Variants in PHLPP2 observed in about 807,000 individuals in gnomAD.
The protein encoded by PHLPP2 is PH domain and leucine rich repeat protein phosphatase 2, also known as PH domain leucine-rich repeat-containing protein phosphatase 2.
PHLPP2 carries 66 observed loss-of-function variants against 124.9 expected under a neutral mutation model. The ratio of observed to expected loss-of-function variants is 0.53; its 90% CI spans 0.43 to 0.65. PHLPP2 has a LOEUF of 0.65. Ranked by LOEUF, PHLPP2 falls within the 30% of genes least tolerant of loss-of-function variation. PHLPP2 has a pLI of 0.00. For synonymous variants in PHLPP2, 681 were observed against 624.7 expected, an observed-to-expected ratio of 1.09 and a Z score of -1.34; for missense variants, 1,685 against 1,600.4, an observed-to-expected ratio of 1.05 and a Z score of -0.90.
intron 2 of PHLPP2, among the ~76,000 whole-genome samples, chr16:71,703,650 G>C (rs2045251577): frequency 6.6e-6 from 1 of 152,154 alleles, no homozygotes; most frequent in Admixed American, 6.6e-5. Flanking sequence ...ACAGTCAACT[G>C]CCTGGGTTCA....
At chr16:71,713,568 G>C (rs952622381) in intron 2 of PHLPP2, among the ~76,000 whole-genome samples, 3 of 152,084 alleles carry the variant, frequency 2.0e-5, no homozygotes, top group Non-Finnish European at 4.4e-5. Context: ...GTAACAACTT[G>C]AATGTCCATT....
At chr16:71,714,923 T>C (rs2045351177) in intron 1 of PHLPP2, 122 bp from the exon 2 acceptor site, 1 of 1,234,626 alleles carries the variant, frequency 8.1e-7, no homozygotes, top group Non-Finnish European at 1.1e-6. Flanking sequence ...TATCCCCTCC[T>C]TTTGTGGAGC....
chr16:71,667,461 C>T, intron 11 of PHLPP2, 128 bp from the exon 12 acceptor site: 2 of 694,526 alleles, frequency 2.9e-6, no homozygotes, highest in South Asian at 4.3e-5. Flanking sequence ...TGTATACTCA[C>T]TGACAAGTGC....
chr16:71,711,884 T>A (rs768116312), intron 2 of PHLPP2, among the ~76,000 whole-genome samples: 7 of 152,280 alleles, frequency 4.6e-5, no homozygotes, highest in South Asian at 4.1e-4. Context: ...CTAAAAACAA[T>A]CTTGAAATAA....
intron 13 of PHLPP2, 88 bp from the exon 14 acceptor site, chr16:71,658,903 A>G: frequency 8.4e-7 from 1 of 1,187,074 alleles, no homozygotes; most frequent in Non-Finnish European, 1.2e-6. Context: ...CAGAGTACAG[A>G]AGGCCGACAC....
At chr16:71,691,913 T>C (rs1031947042) in intron 3 of PHLPP2, among the ~76,000 whole-genome samples, 6 of 151,748 alleles carry the variant, frequency 4.0e-5, no homozygotes, top group Admixed American at 3.3e-4. Flanking sequence ...CTGGACATCA[T>C]AGTAAGACCC....
rs746551859 is a variant in PHLPP2 at position 71,649,468 on chromosome 16, G to A, written c.3394C>T (p.Gln1132Ter). The A allele has an allele frequency of 1.2e-6, 2 of 1,614,136 alleles. No individual in the cohort carries two copies. Among genetic ancestry groups the A allele is most frequent in the Non-Finnish European group, 8.5e-7 (1 of 1,180,020 alleles). The change falls in exon 19 of 19, where the codon CAG becomes TAG. Residue 1132 changes from glutamine to a stop codon, truncating the protein, a stop_gained. Coordinates refer to ENST00000568954, the MANE Select transcript of PHLPP2 (RefSeq NM_015020.3). LOFTEE classifies it high-confidence loss of function. ...CTGGAGAAGGTAGCAGAAGAAGGCT[G>A]GCGCTGAAACAGCCCAGAGGTGGGT... ...PTPTSGLFQR[Q>*]PSSATFSSNQ...
At chr16:71,695,791 G>A (rs2045163521) in intron 3 of PHLPP2, among the ~76,000 whole-genome samples, 1 of 151,494 alleles carries the variant, frequency 6.6e-6, no homozygotes, top group Admixed American at 6.6e-5. Context: ...ACAAACTCTT[G>A]GGTGAAAAAA....
rs762735145 is a variant in PHLPP2 at position 71,681,881 on chromosome 16, C to T, written c.760G>A (p.Val254Met). Reference protein sequence around the residue: ...SKVVSQRISTVDLSCYSLEEV... With the variant: ...SKVVSQRISTMDLSCYSLEEV... ...TCGAGGCTGTAACACGAGAGATCCA[C>T]GGTACTGATTCGCTGGGACACCACC... Residue 254 changes from valine to methionine, a missense_variant, in exon 6 of 19, where the codon GTG (valine) becomes ATG (methionine). Val to Met is a conservative substitution (Grantham distance 21). Transcript: ENST00000568954. 24 of 1,612,844 alleles carry T rather than the reference C, an allele frequency of 1.5e-5. No homozygotes were observed. Among genetic ancestry groups the T allele is most frequent in the African/African-American group, 4.0e-5 (3 of 74,780 alleles).
intron 1 of PHLPP2, chr16:71,715,265 C>A (rs1453358880): frequency 6.2e-6 from 1 of 161,020 alleles, no homozygotes. Context: ...GGGTGGAGAA[C>A]AGATTGAGTT....
chr16:71,693,055 C>T (rs1011987735), intron 3 of PHLPP2, among the ~76,000 whole-genome samples: 2 of 152,134 alleles, frequency 1.3e-5, no homozygotes, highest in Non-Finnish European at 2.9e-5. Context: ...CTTTGGGAGG[C>T]TGAGGCGGGC....
intron 4 of PHLPP2, among the ~76,000 whole-genome samples, chr16:71,685,323 T>C (rs1425876319): frequency 6.6e-6 from 1 of 152,148 alleles, no homozygotes; most frequent in Non-Finnish European, 1.5e-5. Flanking sequence ...CGAGACTCCG[T>C]CTCAAACAAA....
intron 3 of PHLPP2, among the ~76,000 whole-genome samples, chr16:71,700,262 A>G (rs2045217605): frequency 6.6e-6 from 1 of 151,986 alleles, no homozygotes; most frequent in Non-Finnish European, 1.5e-5. Context: ...AAAATTAGCC[A>G]GGTGCAGTGG....
In PHLPP2 at chr16:71,667,260, C is replaced by T; in HGVS notation, c.1702G>A (p.Glu568Lys). Residue 568 changes from glutamate to lysine, a missense_variant, in exon 12 of 19, where the codon GAG (glutamate) becomes AAG (lysine). Glu to Lys is a moderately conservative substitution (Grantham distance 56, BLOSUM62 1). Coordinates refer to ENST00000568954, the MANE Select transcript of PHLPP2 (RefSeq NM_015020.3). ...TCCAGCACCTCGAGGGGGATGTGCT[C>T]TACCAGTGTTGGAAGGTTTTGCACA... ...NHVQNLPTLV[E>K]HIPLEVLDLQ... 1.2e-6 allele frequency: 2 copies of T among 1,613,764 alleles called. No individual in the cohort carries two copies. Among genetic ancestry groups the T allele is most frequent in the South Asian group, 2.2e-5 (2 of 91,044 alleles).
chr16:71,704,307 C>CAAAAAAAAAAAAA (rs56882820), intron 2 of PHLPP2, among the ~76,000 whole-genome samples: 3 of 98,710 alleles, frequency 3.0e-5, no homozygotes, highest in African/African-American at 1.2e-4. Context: ...GACTCTGTCT[C>CAAAAAAAAAAAAA]AAAAAAAAAA....
rs191607082 is a variant in PHLPP2 at position 71,702,951 on chromosome 16, C to G, written c.285-220G>C. ...AATTTCTCATCCTTCACTCCCACCCCACCCTCACACCCTTCTGCTTTTCCA... is the reference window on the plus strand; with the variant it reads ...AATTTCTCATCCTTCACTCCCACCCGACCCTCACACCCTTCTGCTTTTCCA... On this transcript the variant is annotated intron_variant, in intron 2 of 18. Coordinates refer to ENST00000568954, the MANE Select transcript of PHLPP2 (RefSeq NM_015020.3). 3.9e-3 allele frequency among the ~76,000 whole-genome samples: 587 copies of G among 152,220 alleles called. 3 individuals carry two copies. Among genetic ancestry groups the G allele is most frequent in the Non-Finnish European group, 5.1e-3 (346 of 68,002 alleles).
At chr16:71,704,172 A>T (rs914900474) in intron 2 of PHLPP2, among the ~76,000 whole-genome samples, 3 of 151,976 alleles carry the variant, frequency 2.0e-5, no homozygotes, top group African/African-American at 7.2e-5. Flanking sequence ...TTAGCCAGGC[A>T]TGGTGGCGGG....
Position 71,649,285 on chromosome 16 carries a change from A to G in PHLPP2, c.3577T>C (p.Cys1193Arg). The stretch of plus-strand genomic sequence containing the variant: ...GACCCTCTAGCATGTTCCTCAGAAC[A>G]CAGGGTAGGAGAACTCTCTATGAGA... ...PPLIESSPTL[C>R]SEEHARGSCF... Residue 1193 changes from cysteine (C) to arginine (R), a missense_variant, in exon 19 of 19, where the codon TGT becomes CGT. Coordinates refer to ENST00000568954, the MANE Select transcript of PHLPP2 (RefSeq NM_015020.3). The G allele has an allele frequency of 6.2e-7, 1 of 1,614,090 alleles. No individual in the cohort carries two copies. The highest frequency in any genetic ancestry group is 8.5e-7 in the Non-Finnish European group (1 of 1,180,002).
chr16:71,662,557 T>C (rs553551017), intron 13 of PHLPP2, among the ~76,000 whole-genome samples: 4 of 152,336 alleles, frequency 2.6e-5, no homozygotes, highest in Non-Finnish European at 5.9e-5. Flanking sequence ...TCTGAAGCTC[T>C]ATCTCATGTT....
Sources: allele counts gnomAD v4.1 joint callset (sites outside exome capture counted in the v4.1 genomes callset), GRCh38; gene constraint gnomAD v4.1.1; transcripts MANE v1.5; gene names NCBI Gene and HGNC (gene_info 2026-07-23, HGNC 2026-07-21).